Variants in KLC1 observed in about 807,000 individuals in gnomAD.
The protein encoded by KLC1 is kinesin light chain 1, also known as kinesin 2 60/70kDa.
In KLC1, 30 loss-of-function variants were observed where a neutral mutation model predicts 84.2. The observed-to-expected ratio is 0.36, with a 90% CI of 0.27 to 0.48. The LOEUF is 0.48. KLC1 is among the 20% of genes least tolerant of loss of function. The probability of loss-of-function intolerance (pLI) is 0.99; values close to 1 mark genes in which losing one functional copy is unlikely to be tolerated. For synonymous variants in KLC1, 289 were observed against 293.3 expected (o/e 0.99, Z 0.15); for missense variants, 499 against 805.4 (o/e 0.62, Z 4.60).
chr14:103,698,966 C>G, intron 15 of KLC1: 1 of 1,600,492 alleles, frequency 6.2e-7, no homozygotes, highest in Non-Finnish European at 8.5e-7. Flanking sequence ...TCACCAGGAG[C>G]TGGTTAGCCC....
rs3212115 is a variant in KLC1 at position 103,699,251 on chromosome 14, C to G, written c.1849-1404C>G. The G allele has an allele frequency of 3.6e-4, 550 of 1,539,758 alleles. 9 individuals carry two copies. The South Asian group carries it at 6.3e-3, about 18-fold the overall frequency. On this transcript the variant is annotated intron_variant, in intron 15 of 16. Coordinates refer to ENST00000334553, the MANE Select transcript of KLC1 (RefSeq NM_001394837.1). ...CGATGGTTAGGCACAGGCTGCTACC[C>G]GCAGGAGCCGGAGGCCACCTCACTG... is the stretch of plus-strand genomic sequence containing the variant.
At chr14:103,653,140 C>CT (rs992786414) in intron 1 of KLC1, among the ~76,000 whole-genome samples, 1 of 151,802 alleles carries the variant, frequency 6.6e-6, no homozygotes, top group Non-Finnish European at 1.5e-5. Context: ...TGCCTTTTTT[C>CT]TTTTTTTGGG....
Position 103,640,713 on chromosome 14 carries a change from T to C in KLC1, c.-2+11219T>C, listed in dbSNP as rs184144066. Among the ~76,000 whole-genome samples the C allele has an allele frequency of 9.5e-4, 144 of 152,256 alleles. 3 individuals carry two copies. In the East Asian group the frequency reaches 0.02, roughly 22 times the overall value. ...GTATACTTTTTTGGTTTTGTTTTTA[T>C]CAAGTTATATATGTATTTTGTATTT... On this transcript the variant is annotated intron_variant, in intron 1 of 16. Transcript: ENST00000334553.
rs369440525 is a variant in KLC1, at chr14:103,697,072, C to T, written c.1849-3583C>T. Reference sequence around the variant, plus strand: ...TCTTTAAGCTGTCTCATTTTCTAATCGCTGGCATGTCTTGCCTAGAAAAGC... The same window carrying T: ...TCTTTAAGCTGTCTCATTTTCTAATTGCTGGCATGTCTTGCCTAGAAAAGC... On this transcript the variant is annotated intron_variant, in intron 15 of 16. Coordinates refer to ENST00000334553, the MANE Select transcript of KLC1 (RefSeq NM_001394837.1). 9.9e-5 allele frequency: 98 copies of T among 985,394 alleles called. No individual in the cohort carries two copies. The East Asian group carries it at 3.2e-3, about 32-fold the overall frequency. 61.0% of individuals were successfully genotyped at this position (985,394 alleles called of 1,614,324 possible).
intron 14 of KLC1, among the ~76,000 whole-genome samples, chr14:103,690,068 T>A (rs539317315): frequency 6.6e-6 from 1 of 151,842 alleles, no homozygotes; most frequent in African/African-American, 2.4e-5. Flanking sequence ...TGGTCCCAGC[T>A]ACTCAGGAGG....
rs747324628 is a variant in KLC1, at chr14:103,679,451, G to A, written c.1556G>A (p.Arg519His). 93 of 1,614,068 alleles carry A rather than the reference G, an allele frequency of 5.8e-5. No individual in the cohort carries two copies. The highest frequency in any genetic ancestry group is 2.7e-5 in the Non-Finnish European group (32 of 1,180,050). ...VLNDPENMEKRRSRESLNVDV... is the reference protein window; with the variant it reads ...VLNDPENMEKHRSRESLNVDV... ...AATGACCCTGAGAACATGGAGAAGC[G>A]CAGGAGCCGTGAGAGCCTCAACGTG... Residue 519 changes from arginine to histidine, a missense_variant, in exon 13 of 17, where the codon CGC (arginine) becomes CAC (histidine). Arg to His is a conservative substitution (Grantham distance 29, BLOSUM62 0). Transcript: ENST00000334553.
At chr14:103,650,859 G>A (rs556463802) in intron 1 of KLC1, among the ~76,000 whole-genome samples, 3 of 151,888 alleles carry the variant, frequency 2.0e-5, no homozygotes, top group Non-Finnish European at 2.9e-5. Context: ...GATTACAGGC[G>A]TGAACCACCA....
At chr14:103,699,578 T>C in intron 15 of KLC1, 3 of 1,613,232 alleles carry the variant, frequency 1.9e-6, no homozygotes, top group Non-Finnish European at 8.5e-7. Flanking sequence ...CAAGGTGTCC[T>C]GTGGGGACAG....
intron 1 of KLC1, among the ~76,000 whole-genome samples, chr14:103,650,141 A>G (rs74085243): frequency 2.4e-3 from 363 of 152,252 alleles, no homozygotes; most frequent in African/African-American, 8.5e-3. Flanking sequence ...AAGCATAATA[A>G]AAAAAGTTCA....
intron 11 of KLC1, among the ~76,000 whole-genome samples, chr14:103,675,978 G>A (rs1043627811): frequency 6.6e-6 from 1 of 152,166 alleles, no homozygotes; most frequent in Non-Finnish European, 1.5e-5. Context: ...AGGTAATTGC[G>A]ATTTTGCCAT....
At chr14:103,647,630 C>T (rs527368037) in intron 1 of KLC1, among the ~76,000 whole-genome samples, 48 of 151,954 alleles carry the variant, frequency 3.2e-4, no homozygotes, top group Non-Finnish European at 4.1e-4. Context: ...GTAATCCCAA[C>T]ACTTTGGGAA....
intron 13 of KLC1, among the ~76,000 whole-genome samples, chr14:103,680,148 A>T (rs938529008): frequency 2.6e-5 from 4 of 152,202 alleles, no homozygotes; most frequent in Non-Finnish European, 5.9e-5. Context: ...GAGGCTGCAC[A>T]GGGCCCCCTC....
At chr14:103,645,161 C>T (rs1368916558) in intron 1 of KLC1, among the ~76,000 whole-genome samples, 1 of 152,002 alleles carries the variant, frequency 6.6e-6, no homozygotes, top group Non-Finnish European at 1.5e-5. Context: ...GTAGTAGAGT[C>T]GGGGTTTCTC....
chr14:103,674,576 G>A (rs900901244), intron 9 of KLC1, among the ~76,000 whole-genome samples: 7 of 151,796 alleles, frequency 4.6e-5, no homozygotes, highest in Non-Finnish European at 7.4e-5. Context: ...CACCACGCCC[G>A]GCTAATTTTT....
rs143839735 is a variant in KLC1, at chr14:103,656,692, G to A, written c.262-854G>A. On this transcript the variant is annotated intron_variant, in intron 2 of 16. Coordinates refer to ENST00000334553, the MANE Select transcript of KLC1 (RefSeq NM_001394837.1). ...ATTATTTCTCAAGTTCTGTTACCTT[G>A]AGAACAGGTGACATGAATTTAAACT... Among the ~76,000 whole-genome samples, 71 of 152,308 alleles carry A rather than the reference G, an allele frequency of 4.7e-4. 2 individuals are homozygous for A. Among genetic ancestry groups the A allele is most frequent in the African/African-American group, 1.5e-3 (62 of 41,572 alleles).
chr14:103,661,977 G>A (rs1425490612), intron 3 of KLC1, 139 bp from the exon 4 acceptor site: 6 of 632,548 alleles, frequency 9.5e-6, no homozygotes, highest in South Asian at 4.2e-5. Flanking sequence ...CCAGATTGTC[G>A]GCGATCCTAC....
intron 16 of KLC1, 116 bp from the exon 17 acceptor site, chr14:103,701,085 C>G: frequency 1.5e-6 from 2 of 1,311,292 alleles, no homozygotes; most frequent in South Asian, 1.3e-5. Flanking sequence ...CAGCAACACC[C>G]TCTTCTCTAG....
chr14:103,639,144 A>G (rs895145681), intron 1 of KLC1, among the ~76,000 whole-genome samples: 1 of 152,122 alleles, frequency 6.6e-6, no homozygotes, highest in African/African-American at 2.4e-5. Flanking sequence ...CAAAACTAAC[A>G]TATTGGACAG....
intron 3 of KLC1, among the ~76,000 whole-genome samples, chr14:103,661,714 A>T (rs918291756): frequency 6.6e-6 from 1 of 152,150 alleles, no homozygotes. Context: ...GTGGTGAGGA[A>T]TCTAGCCCCT....
Sources: gnomAD v4.1 joint callset for allele counts (sites outside exome capture counted in the v4.1 genomes callset) on GRCh38, gnomAD v4.1.1 for gene constraint, MANE v1.5 for transcripts, NCBI Gene and HGNC (gene_info 2026-07-23, HGNC 2026-07-21) for gene names.